TOX3: variants seen among roughly 807,000 people sequenced by gnomAD.
TOX3 encodes TOX high mobility group box family member 3, also known as CAG trinucleotide repeat-containing gene F9 protein.
TOX3 carries 22 observed loss-of-function variants against 64.3 expected under a neutral mutation model. The observed-to-expected ratio is 0.34, with a 90% CI of 0.24 to 0.49. The LOEUF (loss-of-function observed/expected upper bound fraction) is 0.49. Among genes scored for constraint, TOX3 ranks in the 20% least tolerant of loss-of-function variants. The pLI, the probability that TOX3 is intolerant of heterozygous loss-of-function variation, is 0.99. For synonymous variants in TOX3, 291 were observed against 273.6 expected, an observed-to-expected ratio of 1.06 and a Z score of -0.63; for missense variants, 661 against 714.4, an observed-to-expected ratio of 0.93 and a Z score of 0.85.
intron 4 of TOX3, 21 bp from the exon 5 acceptor site, chr16:52,446,242 T>C: frequency 1.2e-6 from 2 of 1,608,308 alleles, no homozygotes; most frequent in Admixed American, 1.7e-5. Flanking sequence ...GGAAGAAAAT[T>C]CACTGCCTAG....
intron 1 of TOX3, among the ~76,000 whole-genome samples, chr16:52,484,999 A>C (rs747608797): frequency 1.6e-4 from 24 of 151,706 alleles, no homozygotes; most frequent in Non-Finnish European, 2.9e-4. Context: ...ACCTAAGTAC[A>C]TATAAGCAGC....
At chr16:52,471,032 A>ACCACC (rs1961031904) in intron 1 of TOX3, among the ~76,000 whole-genome samples, 2 of 152,132 alleles carry the variant, frequency 1.3e-5, no homozygotes, top group African/African-American at 4.8e-5. Context: ...GGTACCTGGG[A>ACCACC]CCCTAGTTCA....
intron 4 of TOX3, among the ~76,000 whole-genome samples, chr16:52,449,836 C>T (rs974986203): frequency 1.3e-4 from 20 of 152,358 alleles, no homozygotes; most frequent in African/African-American, 4.3e-4. Context: ...ATGAACTCAG[C>T]GATAAACATC....
intron 1 of TOX3, among the ~76,000 whole-genome samples, chr16:52,546,222 T>G (rs1240290936): frequency 2.7e-5 from 4 of 145,866 alleles, no homozygotes; most frequent in African/African-American, 2.5e-5. Context: ...GGACTGGGGG[T>G]GGGGGAGGGC....
At chr16:52,446,412 C>G (rs1960165183) in intron 4 of TOX3, among the ~76,000 whole-genome samples, 191 bp from the exon 5 acceptor site, 4 of 152,214 alleles carry the variant, frequency 2.6e-5, no homozygotes, top group South Asian at 4.2e-4. Flanking sequence ...TTTAGAACAT[C>G]GATTAATGAG....
chr16:52,523,733 T>A (rs1480670572), intron 1 of TOX3, among the ~76,000 whole-genome samples: 3 of 152,230 alleles, frequency 2.0e-5, no homozygotes. Context: ...AACGAGACTT[T>A]TTTTTTCAGT....
In TOX3 at chr16:52,439,234, A is replaced by G; in HGVS notation, c.1722T>C (p.Ser574=). The G allele has an allele frequency of 6.2e-7, 1 of 1,613,898 alleles. No individual in the cohort carries two copies. The highest frequency in any genetic ancestry group is 8.5e-7 in the Non-Finnish European group (1 of 1,179,856). ...TCTGCCATATGCGTCTTCAGAAAAT[A>G]CTGACCTGCGATAATACTTGAGTCT... ...QTQTQVLSQV[S]IF is the part of the protein sequence containing the mutation. Residue 574 remains serine, a synonymous_variant, in exon 7 of 7, where the codon AGT becomes AGC. Transcript: ENST00000219746.
At chr16:52,471,746 G>A (rs947612826) in intron 1 of TOX3, among the ~76,000 whole-genome samples, 2 of 152,162 alleles carry the variant, frequency 1.3e-5, no homozygotes, top group Non-Finnish European at 2.9e-5. Flanking sequence ...TTAGCCCAGT[G>A]ACACCCTCTA....
intron 1 of TOX3, among the ~76,000 whole-genome samples, chr16:52,537,078 T>C (rs1401830176): frequency 4.6e-5 from 7 of 151,986 alleles, no homozygotes; most frequent in Non-Finnish European, 2.9e-5. Flanking sequence ...CTCTCTAATC[T>C]CTTCTTCAAA....
At chr16:52,458,191 T>C (rs1031708557) in intron 3 of TOX3, among the ~76,000 whole-genome samples, 2 of 152,204 alleles carry the variant, frequency 1.3e-5, no homozygotes, top group African/African-American at 2.4e-5. Flanking sequence ...ATTGTCCTTT[T>C]ATTAATTTAT....
At chr16:52,483,142 C>A (rs1359490458) in intron 1 of TOX3, among the ~76,000 whole-genome samples, 2 of 152,180 alleles carry the variant, frequency 1.3e-5, no homozygotes, top group East Asian at 3.9e-4. Context: ...GAAAACCTCC[C>A]AGGAAAACCA....
At chr16:52,452,687 A>AT (rs996197910) in intron 3 of TOX3, among the ~76,000 whole-genome samples, 16 of 151,914 alleles carry the variant, frequency 1.1e-4, no homozygotes, top group East Asian at 5.8e-4. Context: ...AATAATAATA[A>AT]AAAAAAGAAA....
rs546654726 is a variant in TOX3, at chr16:52,487,614, G to A, written c.88-19040C>T. Among the ~76,000 whole-genome samples the A allele has an allele frequency of 2.6e-5, 4 of 152,240 alleles. No individual in the cohort carries two copies. The South Asian group carries it at 8.3e-4, about 32-fold the overall frequency. ...ATCTACTAAAAGAAACAGGATTAAA[G>A]GATTGTTTTTGTCTCTAGGACAACA... On this transcript the variant is annotated intron_variant, in intron 1 of 6. Coordinates refer to ENST00000219746, the MANE Select transcript of TOX3 (RefSeq NM_001080430.4).
At chr16:52,510,090 A>G (rs1461615822) in intron 1 of TOX3, among the ~76,000 whole-genome samples, 1 of 152,026 alleles carries the variant, frequency 6.6e-6, no homozygotes, top group East Asian at 1.9e-4. Flanking sequence ...CTGATACCTC[A>G]AAAAATATCT....
At chr16:52,474,872 T>A (rs190369542) in intron 1 of TOX3, among the ~76,000 whole-genome samples, 1 of 152,130 alleles carries the variant, frequency 6.6e-6, no homozygotes, top group African/African-American at 2.4e-5. Context: ...CATTTCTTCT[T>A]ACCTTTTGGC....
intron 4 of TOX3, among the ~76,000 whole-genome samples, chr16:52,447,235 A>AACTTCATC: frequency 6.6e-6 from 1 of 152,222 alleles, no homozygotes; most frequent in East Asian, 1.9e-4. Context: ...TTTTGCAGTT[A>AACTTCATC]ACTTCATCAA....
At position 52,437,446 on chromosome 16, in the gene TOX3, C is replaced by T. The variant is rs1959782282; in HGVS notation, c.*1779G>A. 1 of 152,200 alleles carries T rather than the reference C, an allele frequency of 6.6e-6. No individual in the cohort carries two copies. The highest frequency in any genetic ancestry group is 1.5e-5 in the Non-Finnish European group (1 of 68,038). 9.4% of individuals were successfully genotyped at this position (152,200 alleles called of 1,614,324 possible). On this transcript the variant is annotated 3_prime_UTR_variant, in exon 7 of 7. Coordinates refer to ENST00000219746, the MANE Select transcript of TOX3 (RefSeq NM_001080430.4). ...AGATTAGGATTCTGGTCAGGGTTGA[C>T]ACTTGCTGTTTTTAATTTTCATTTT...
chr16:52,508,362 A>G (rs979757455), intron 1 of TOX3, among the ~76,000 whole-genome samples: 1 of 152,202 alleles, frequency 6.6e-6, no homozygotes, highest in African/African-American at 2.4e-5. Context: ...GCGTGCATAC[A>G]CAAGGGTGTT....
At chr16:52,477,512 G>A (rs1260486894) in intron 1 of TOX3, among the ~76,000 whole-genome samples, 2 of 152,290 alleles carry the variant, frequency 1.3e-5, no homozygotes, top group Non-Finnish European at 2.9e-5. Context: ...AGACCGGGCA[G>A]AGGCAACAGT....
Sources: gnomAD v4.1 joint callset for allele counts (sites outside exome capture counted in the v4.1 genomes callset) on GRCh38, gnomAD v4.1.1 for gene constraint, MANE v1.5 for transcripts, NCBI Gene and HGNC (gene_info 2026-07-23, HGNC 2026-07-21) for gene names.